The following TSPAN9 variants were observed in gnomAD, a reference collection of about 807,000 sequenced individuals.
The protein encoded by TSPAN9 is tetraspanin 9.
A neutral mutation model predicts 31.0 loss-of-function variants in TSPAN9; 16 were observed. The observed-to-expected ratio is 0.52, with a 90% CI of 0.35 to 0.78. The LOEUF is 0.78. Ranked by LOEUF, TSPAN9 falls within the 30% of genes least tolerant of loss-of-function variation. The pLI is 0.01. For synonymous variants in TSPAN9, 145 were observed against 121.6 expected, an observed-to-expected ratio of 1.19 and a Z score of -1.27; for missense variants, 272 against 312.5, an observed-to-expected ratio of 0.87 and a Z score of 0.98.
chr12:3,090,642 G>C (rs569946609), intron 2 of TSPAN9, among the ~76,000 whole-genome samples: 1 of 152,360 alleles, frequency 6.6e-6, no homozygotes, highest in East Asian at 1.9e-4. Context: ...TCCAGGGGCG[G>C]GCAGACTCCA....
At chr12:3,199,792 C>T (rs765325419) in intron 2 of TSPAN9, among the ~76,000 whole-genome samples, 5 of 152,186 alleles carry the variant, frequency 3.3e-5, no homozygotes, top group Admixed American at 6.5e-5. Context: ...CGGCGCTTTC[C>T]GATACCTCGC....
intron 2 of TSPAN9, among the ~76,000 whole-genome samples, chr12:3,085,404 A>G (rs11614782): frequency 0.26 from 39,375 of 150,890 alleles, 5,572 homozygotes; most frequent in South Asian, 0.39. Context: ...AGCCGTGTCT[A>G]TCTAGATGAC....
intron 3 of TSPAN9, among the ~76,000 whole-genome samples, chr12:3,229,385 G>T (rs2098389489): frequency 6.6e-6 from 1 of 152,220 alleles, no homozygotes; most frequent in African/African-American, 2.4e-5. Flanking sequence ...CACTGGGTAT[G>T]TGGCCCTCAC....
At chr12:3,208,848 C>T (rs2098376720) in intron 3 of TSPAN9, among the ~76,000 whole-genome samples, 1 of 152,160 alleles carries the variant, frequency 6.6e-6, no homozygotes, top group Admixed American at 6.5e-5. Context: ...GTGAAGTGTA[C>T]GCCACATGTA....
chr12:3,133,453 A>G (rs2098330711), intron 2 of TSPAN9, among the ~76,000 whole-genome samples: 1 of 152,108 alleles, frequency 6.6e-6, no homozygotes, highest in South Asian at 2.1e-4. Flanking sequence ...CCCCATTCCT[A>G]TGCCCCTCTC....
chr12:3,222,759 G>A (rs533616619), intron 3 of TSPAN9, among the ~76,000 whole-genome samples: 5 of 152,300 alleles, frequency 3.3e-5, no homozygotes, highest in Non-Finnish European at 5.9e-5. Context: ...AGGTTCACCC[G>A]TGCTGGCTTC....
chr12:3,235,362 C>G (rs1442513456), intron 3 of TSPAN9, among the ~76,000 whole-genome samples: 1 of 147,358 alleles, frequency 6.8e-6, no homozygotes, highest in Non-Finnish European at 1.5e-5. Flanking sequence ...GAAGCCTGGC[C>G]GGAAGCCTGG....
chr12:3,198,960 C>T, intron 2 of TSPAN9, among the ~76,000 whole-genome samples: 1 of 152,244 alleles, frequency 6.6e-6, no homozygotes. Context: ...ATGTCCCCCT[C>T]CCACCATGGC....
At chr12:3,275,474 T>C (rs1346310479) in intron 3 of TSPAN9, among the ~76,000 whole-genome samples, 2 of 152,170 alleles carry the variant, frequency 1.3e-5, no homozygotes, top group Admixed American at 6.5e-5. Flanking sequence ...AGCATGAAGA[T>C]CATAAATTCT....
Position 3,183,397 on chromosome 12 carries a change from G to A in TSPAN9, c.-17-17780G>A, listed in dbSNP as rs908934202. 5.3e-5 allele frequency among the ~76,000 whole-genome samples: 8 copies of A among 152,324 alleles called. 1 individual carries two copies. Among genetic ancestry groups the A allele is most frequent in the Non-Finnish European group, 7.3e-5 (5 of 68,028 alleles). The stretch of plus-strand genomic sequence containing the variant: ...AGAAATGTGTAAGGGTTACCTTGGC[G>A]ATTAGGTGCAAATGTATCTTCAGGG... On this transcript the variant is annotated intron_variant, in intron 2 of 8. Coordinates refer to ENST00000011898, the MANE Select transcript of TSPAN9 (RefSeq NM_006675.5).
chr12:3,100,107 G>A (rs2098311165), intron 2 of TSPAN9, among the ~76,000 whole-genome samples: 1 of 152,140 alleles, frequency 6.6e-6, no homozygotes, highest in Non-Finnish European at 1.5e-5. Flanking sequence ...GCCTCCCAAA[G>A]TGCTGGGATT....
intron 3 of TSPAN9, among the ~76,000 whole-genome samples, chr12:3,247,973 T>C (rs1156453995): frequency 1.3e-5 from 2 of 152,196 alleles, no homozygotes; most frequent in Non-Finnish European, 2.9e-5. Context: ...CAGCGGGGCA[T>C]GGAGGATGAT....
Position 3,188,320 on chromosome 12 carries a change from C to T in TSPAN9, c.-17-12857C>T, listed in dbSNP as rs547796922. On this transcript the variant is annotated intron_variant, in intron 2 of 8. Transcript: ENST00000011898. The stretch of plus-strand genomic sequence containing the variant: ...CCCGGGTTCCACAGCACTGGGGTGG[C>T]CTGCTCTGTGCCCTGCCAGGCTCCT... Among the ~76,000 whole-genome samples the T allele has an allele frequency of 4.5e-4, 69 of 152,318 alleles. 1 individual carries two copies. The South Asian group carries it at 0.012, about 27-fold the overall frequency.
intron 2 of TSPAN9, among the ~76,000 whole-genome samples, chr12:3,084,405 T>A (rs2098299390): frequency 6.6e-6 from 1 of 152,156 alleles, no homozygotes; most frequent in African/African-American, 2.4e-5. Context: ...CCCTGCTGGG[T>A]GATTTGTAAA....
At chr12:3,268,802 CT>C (rs1862601025) in intron 3 of TSPAN9, among the ~76,000 whole-genome samples, 3 of 48,710 alleles carry the variant, frequency 6.2e-5, no homozygotes, top group Non-Finnish European at 1.1e-4. Context: ...CCTGCCCTCT[CT>C]GTGTTCCTGC....
intron 1 of TSPAN9, among the ~76,000 whole-genome samples, chr12:3,077,779 C>T (rs2098295841): frequency 6.6e-6 from 1 of 152,132 alleles, no homozygotes; most frequent in Non-Finnish European, 1.5e-5. Context: ...GCAAGGGTTT[C>T]CGACTGTGTG....
intron 2 of TSPAN9, among the ~76,000 whole-genome samples, chr12:3,157,444 A>G (rs893969063): frequency 3.3e-5 from 5 of 152,238 alleles, no homozygotes; most frequent in African/African-American, 1.2e-4. Context: ...GAAGCTAGAC[A>G]CATGTGGGTT....
intron 1 of TSPAN9, among the ~76,000 whole-genome samples, chr12:3,081,830 G>GTATA (rs755307321): frequency 3.7e-4 from 14 of 38,290 alleles, no homozygotes; most frequent in Non-Finnish European, 5.6e-4. Flanking sequence ...GTGTGTGTGT[G>GTATA]TGTGTCTGTG....
At chr12:3,078,621 A>C (rs2098296299) in intron 1 of TSPAN9, among the ~76,000 whole-genome samples, 1 of 152,152 alleles carries the variant, frequency 6.6e-6, no homozygotes. Context: ...AGACAATTAC[A>C]CCGGCTTCCT....
Sources: gnomAD v4.1 joint callset for allele counts (sites outside exome capture counted in the v4.1 genomes callset) on GRCh38, gnomAD v4.1.1 for gene constraint, MANE v1.5 for transcripts, NCBI Gene and HGNC (gene_info 2026-07-23, HGNC 2026-07-21) for gene names.